Variants in EFHC1 observed in about 807,000 individuals in gnomAD.
EFHC1 encodes EF-hand domain containing 1, also known as EF-hand domain-containing protein 1.
A neutral mutation model predicts 69.9 loss-of-function variants in EFHC1; 53 were observed. That is an observed-to-expected ratio of 0.76 (90% CI 0.61 to 0.95). The LOEUF is 0.95. Ranked by LOEUF, EFHC1 falls within the 40% of genes least tolerant of loss-of-function variation. The pLI is 0.00. For missense variants in EFHC1, 739 were observed against 798.7 expected (o/e 0.93, Z 0.90); for synonymous variants, 256 against 278.4 (o/e 0.92, Z 0.80).
intron 2 of EFHC1, among the ~76,000 whole-genome samples, chr6:52,432,474 A>G (rs570994094): frequency 5.9e-5 from 9 of 152,010 alleles, no homozygotes; most frequent in Admixed American, 4.6e-4. Flanking sequence ...GCTTAGTTTC[A>G]CTGAATACAA....
rs1554262449 is a variant in EFHC1, at chr6:52,493,365, C to CATATACATATATATATATATATAT, written c.*1029_*1030insCATATATATATATATATATATATA. 1 of 163,078 alleles carries CATATACATATATATATATATATAT rather than the reference C, an allele frequency of 6.1e-6. No homozygotes were observed. Among genetic ancestry groups the CATATACATATATATATATATATAT allele is most frequent in the African/African-American group, 4.3e-5 (1 of 23,148 alleles). The allele number at this position is 163,078 out of a possible 1,614,324, so 10.1% of individuals were successfully genotyped here. A position where few individuals can be genotyped will look rare whatever the true frequency, so the allele number is the denominator to read the frequency against. On this transcript the variant is annotated 3_prime_UTR_variant, in exon 11 of 11. Transcript: ENST00000371068. The stretch of plus-strand genomic sequence containing the variant: ...ATAACTCTCTCTTTCTCTCTCTCTA[C>CATATACATATATATATATATATAT]ATATATATATATATATATATTTTAT...
intron 3 of EFHC1, among the ~76,000 whole-genome samples, chr6:52,450,949 C>T (rs1764903820): frequency 2.0e-5 from 3 of 152,076 alleles, no homozygotes; most frequent in Admixed American, 2.0e-4. Flanking sequence ...CAGGTGTGTA[C>T]CACCATGCCT....
chr6:52,447,668 C>G (rs1039580717), intron 3 of EFHC1, among the ~76,000 whole-genome samples: 52 of 152,334 alleles, frequency 3.4e-4, no homozygotes, highest in African/African-American at 1.1e-3. Context: ...GAATTTTTAG[C>G]TTTTCTGCTC....
chr6:52,487,849 G>A (rs1212574898), intron 9 of EFHC1: 1 of 152,248 alleles, frequency 6.6e-6, no homozygotes, highest in African/African-American at 2.4e-5. Flanking sequence ...ATAACCAGCT[G>A]GCCCCTCTGT....
chr6:52,423,701 G>A lies in EFHC1; in HGVS notation c.64-245G>A, dbSNP rs1224561818. ...TTTTTTTTTAGTTTTTGTAGAGACA[G>A]CATCTTGTTGCCCAGGCTGGTCTCG... is the stretch of plus-strand genomic sequence containing the variant. On this transcript the variant is annotated intron_variant, in intron 1 of 10. Transcript: ENST00000371068. The A allele has an allele frequency of 2.1e-4, 91 of 432,940 alleles. 2 individuals carry two copies. The South Asian group carries it at 2.4e-3, about 11-fold the overall frequency. The allele number at this position is 432,940 out of a possible 1,614,324, so 26.8% of individuals were successfully genotyped here. A position where few individuals can be genotyped will look rare whatever the true frequency, so the allele number is the denominator to read the frequency against.
rs1765713118 is a variant in EFHC1 at position 52,483,030 on chromosome 6, C to G, written c.1640+3243C>G. 3 of 394,170 alleles carry G rather than the reference C, an allele frequency of 7.6e-6. No homozygotes were observed. In the East Asian group the frequency reaches 1.1e-4, roughly 14 times the overall value. The allele number at this position is 394,170 out of a possible 1,614,324, so 24.4% of individuals were successfully genotyped here. A position where few individuals can be genotyped will look rare whatever the true frequency, so the allele number is the denominator to read the frequency against. On this transcript the variant is annotated intron_variant, in intron 9 of 10. Transcript: ENST00000371068. ...GCAAGATAGCTACACACTTTACTGT[C>G]TGCGTGAACTATAAAACAAATATAC...
At chr6:52,486,616 G>C (rs1765792397) in intron 9 of EFHC1, 1 of 152,038 alleles carries the variant, frequency 6.6e-6, no homozygotes, top group African/African-American at 2.4e-5. Flanking sequence ...AGAAGTAATT[G>C]GTTTCAAATA....
Position 52,465,021 on chromosome 6 carries a change from A to G in EFHC1, c.1043A>G (p.Asp348Gly), listed in dbSNP as rs1381895195. ...AGAACTTTCTTCATTTATGATTGTG[A>G]TCCATTTACTCGACGGTATTACAAA... Reference protein sequence around the residue: ...LGRTFFIYDCDPFTRRYYKEK... With the variant: ...LGRTFFIYDCGPFTRRYYKEK... The change falls in exon 6 of 11, where the codon GAT becomes GGT. Residue 348 changes from aspartate to glycine, a missense_variant. By Grantham distance (94) the Asp-to-Gly change is moderately conservative. Transcript: ENST00000371068. 5 of 1,614,160 alleles carry G rather than the reference A, an allele frequency of 3.1e-6. No homozygotes were observed. The highest frequency in any genetic ancestry group is 8.5e-7 in the Non-Finnish European group (1 of 1,180,032).
rs189757634 is a variant in EFHC1, at chr6:52,467,425, C to T, written c.1138-1908C>T. 7.4e-4 allele frequency among the ~76,000 whole-genome samples: 112 copies of T among 152,266 alleles called. 2 individuals are homozygous for T. The Middle Eastern group carries it at 0.01, about 14-fold the overall frequency. ...GGAACTCCCTACCTCAGGTGATCCA[C>T]CCACCTTGGCCTCCCAAAGTGCTAG... On this transcript the variant is annotated intron_variant, in intron 6 of 10. Coordinates refer to ENST00000371068, the MANE Select transcript of EFHC1 (RefSeq NM_018100.4).
chr6:52,492,635 G>T lies in EFHC1; in HGVS notation c.*294G>T, dbSNP rs1765933775. 4 of 492,354 alleles carry T rather than the reference G, an allele frequency of 8.1e-6. No homozygotes were observed. Among genetic ancestry groups the T allele is most frequent in the South Asian group, 6.2e-5 (4 of 64,042 alleles). The allele number at this position is 492,354 out of a possible 1,614,324, so 30.5% of individuals were successfully genotyped here. On this transcript the variant is annotated 3_prime_UTR_variant, in exon 11 of 11. Transcript: ENST00000371068. ...TTTTAAAAAAATAAATTTTTTTAGA[G>T]ATGGGATCTCACTCTGTCATACAGG...
At chr6:52,458,731 G>C (rs1367383735) in intron 5 of EFHC1, among the ~76,000 whole-genome samples, 1 of 152,070 alleles carries the variant, frequency 6.6e-6, no homozygotes, top group Non-Finnish European at 1.5e-5. Flanking sequence ...TCCAAAAGTA[G>C]AACTACACCA....
At chr6:52,458,522 A>C (rs893373550) in intron 5 of EFHC1, among the ~76,000 whole-genome samples, 1 of 152,256 alleles carries the variant, frequency 6.6e-6, no homozygotes, top group African/African-American at 2.4e-5. Context: ...AAAAGAAAAC[A>C]TACAAATGGA....
chr6:52,437,276 A>G (rs981610941), intron 2 of EFHC1, among the ~76,000 whole-genome samples: 1 of 152,194 alleles, frequency 6.6e-6, no homozygotes, highest in Non-Finnish European at 1.5e-5. Flanking sequence ...AAAAATCGCA[A>G]TCTTATCCAA....
chr6:52,449,138 C>T (rs1185820110), intron 3 of EFHC1, among the ~76,000 whole-genome samples: 1 of 152,170 alleles, frequency 6.6e-6, no homozygotes, highest in Admixed American at 6.5e-5. Flanking sequence ...AATCCCAGCA[C>T]TTTGGGAGGC....
chr6:52,462,307 T>C (rs936915729), intron 5 of EFHC1, among the ~76,000 whole-genome samples: 1 of 151,582 alleles, frequency 6.6e-6, no homozygotes, highest in Non-Finnish European at 1.5e-5. Context: ...TGGAGGAAAA[T>C]ATATAGCTTT....
intron 9 of EFHC1, chr6:52,485,134 T>C (rs1765760102): frequency 6.6e-6 from 1 of 152,108 alleles, no homozygotes; most frequent in Admixed American, 6.5e-5. Flanking sequence ...AGTGGGAGGT[T>C]GAACGGACTA....
At chr6:52,467,898 CATAA>C (rs1765345984) in intron 6 of EFHC1, among the ~76,000 whole-genome samples, 1 of 152,106 alleles carries the variant, frequency 6.6e-6, no homozygotes, top group African/African-American at 2.4e-5. Flanking sequence ...CCCTAAATAA[CATAA>C]ATGGAAACCA....
chr6:52,424,093 G>C lies in EFHC1; in HGVS notation c.211G>C (p.Val71Leu). 6.2e-7 allele frequency: 1 copy of C among 1,614,144 alleles called. No homozygotes were observed. Residue 71 changes from valine to leucine, a missense_variant, in exon 2 of 11, where the codon GTC (valine) becomes CTC (leucine). Val to Leu is a conservative substitution (Grantham distance 32). Transcript: ENST00000371068. ...ELDELASKAP[V>L]LTYGQPKQAP... The stretch of plus-strand genomic sequence containing the variant: ...GGATGAGTTGGCCAGTAAGGCACCA[G>C]TCTTAACTTATGGCCAACCTAAACA...
chr6:52,453,963 A>G lies in EFHC1; in HGVS notation c.724-132A>G, dbSNP rs754861489. 11 of 1,545,916 alleles carry G rather than the reference A, an allele frequency of 7.1e-6. No individual in the cohort carries two copies. In the South Asian group the frequency reaches 8.2e-5, roughly 12 times the overall value. ...TTGATGAATATTTCTTTTTTTTTCA[A>G]TTTACCCCATCTGAAATTACTTCAT... On this transcript the variant is annotated intron_variant, in intron 4 of 10. Coordinates refer to ENST00000371068, the MANE Select transcript of EFHC1 (RefSeq NM_018100.4).
Sources: allele counts gnomAD v4.1 joint callset (sites outside exome capture counted in the v4.1 genomes callset), GRCh38; gene constraint gnomAD v4.1.1; transcripts MANE v1.5; gene names NCBI Gene and HGNC (gene_info 2026-07-23, HGNC 2026-07-21).